The following ADGRL2 variants were observed in gnomAD, a reference collection of about 807,000 sequenced individuals.
ADGRL2 encodes the protein calcium-independent alpha-latrotoxin receptor 2.
A neutral mutation model predicts 157.4 loss-of-function variants in ADGRL2; 44 were observed. The observed-to-expected ratio is 0.28, with a 90% confidence interval of 0.22 to 0.36. The LOEUF (loss-of-function observed/expected upper bound fraction) is 0.36. Among genes scored for constraint, ADGRL2 ranks in the 10% least tolerant of loss-of-function variants. The probability of loss-of-function intolerance (pLI) is 1.00; values close to 1 mark genes in which losing one functional copy is unlikely to be tolerated. For synonymous variants in ADGRL2, 585 were observed against 624.7 expected, an observed-to-expected ratio of 0.94 and a Z score of 0.95; for missense variants, 1,510 against 1,768.9, an observed-to-expected ratio of 0.85 and a Z score of 2.63.
intron 2 of ADGRL2, among the ~76,000 whole-genome samples, chr1:81,889,199 T>C (rs980689962): frequency 1.3e-5 from 2 of 152,256 alleles, no homozygotes; most frequent in African/African-American, 2.4e-5. Flanking sequence ...ATAGAAATGA[T>C]TAAGCTTAGT....
At chr1:81,406,004 T>A (rs759712052) in intron 1 of ADGRL2, among the ~76,000 whole-genome samples, 8 of 152,220 alleles carry the variant, frequency 5.3e-5, no homozygotes, top group Non-Finnish European at 1.0e-4. Context: ...AGATTTCCCA[T>A]CTTTACTGTA....
chr1:81,925,081 C>T (rs1218798128), intron 3 of ADGRL2, among the ~76,000 whole-genome samples: 1 of 152,084 alleles, frequency 6.6e-6, no homozygotes, highest in East Asian at 1.9e-4. Flanking sequence ...AAAGTGAATT[C>T]CTTCTATGTG....
At chr1:81,987,465 T>C in intron 22 of ADGRL2, 2 of 766,554 alleles carry the variant, frequency 2.6e-6, no homozygotes, top group South Asian at 2.7e-5. Flanking sequence ...ACATTCAGCC[T>C]ATCAATATAT....
At chr1:81,471,252 A>G (rs1301260004) in intron 2 of ADGRL2, among the ~76,000 whole-genome samples, 1 of 152,192 alleles carries the variant, frequency 6.6e-6, no homozygotes, top group Non-Finnish European at 1.5e-5. Context: ...TCAGACCACC[A>G]CAAATCCATC....
chr1:81,624,718 A>G (rs1379704062), intron 3 of ADGRL2, among the ~76,000 whole-genome samples: 1 of 152,196 alleles, frequency 6.6e-6, no homozygotes, highest in Non-Finnish European at 1.5e-5. Flanking sequence ...CCATAAAGAA[A>G]ATAGGCATAT....
chr1:81,816,882 G>A (rs932039490), intron 1 of ADGRL2, among the ~76,000 whole-genome samples: 2 of 151,380 alleles, frequency 1.3e-5, no homozygotes, highest in Admixed American at 1.3e-4. Context: ...GTATTGCCAA[G>A]CACTTATTAA....
intron 1 of ADGRL2, among the ~76,000 whole-genome samples, chr1:81,819,112 C>G (rs1482926654): frequency 1.3e-5 from 2 of 152,202 alleles, no homozygotes; most frequent in South Asian, 2.1e-4. Context: ...TGATAGCATT[C>G]AAGGTGGTGT....
At chr1:81,674,049 C>G (rs1210707254) in intron 3 of ADGRL2, among the ~76,000 whole-genome samples, 1 of 152,106 alleles carries the variant, frequency 6.6e-6, no homozygotes, top group African/African-American at 2.4e-5. Context: ...CAAAATTTAA[C>G]ACTTGAATGC....
At chr1:81,750,562 C>CA (rs1392228037) in intron 1 of ADGRL2, among the ~76,000 whole-genome samples, 16 of 151,964 alleles carry the variant, frequency 1.1e-4, no homozygotes, top group Admixed American at 9.8e-4. Flanking sequence ...ACTAAAAATA[C>CA]AAAAAATTAG....
chr1:81,369,786 T>C (rs775164807), intron 1 of ADGRL2, among the ~76,000 whole-genome samples: 1 of 152,336 alleles, frequency 6.6e-6, no homozygotes, highest in Middle Eastern at 3.4e-3. Flanking sequence ...ATTTGAGCAT[T>C]AATTTGCATG....
chr1:81,875,410 A>T (rs1214070886), intron 2 of ADGRL2, among the ~76,000 whole-genome samples: 1 of 152,222 alleles, frequency 6.6e-6, no homozygotes, highest in Non-Finnish European at 1.5e-5. Context: ...AGAATTTAGG[A>T]AGCAAAATTT....
At chr1:81,862,362 A>G (rs2150808271) in intron 2 of ADGRL2, among the ~76,000 whole-genome samples, 1 of 152,330 alleles carries the variant, frequency 6.6e-6, no homozygotes, top group African/African-American at 2.4e-5. Context: ...TTTAGGGCAT[A>G]GCTCTTGCTA....
intron 1 of ADGRL2, among the ~76,000 whole-genome samples, chr1:81,351,574 A>C (rs1477795778): frequency 6.7e-6 from 1 of 150,146 alleles, no homozygotes; most frequent in Non-Finnish European, 1.5e-5. Context: ...GCAAATGCAC[A>C]AAGAAAAAAA....
At chr1:81,727,624 G>C (rs1487505551) in intron 1 of ADGRL2, among the ~76,000 whole-genome samples, 1 of 151,918 alleles carries the variant, frequency 6.6e-6, no homozygotes, top group African/African-American at 2.4e-5. Flanking sequence ...GTAGAGACAG[G>C]GTTTCACCAG....
intron 1 of ADGRL2, among the ~76,000 whole-genome samples, chr1:81,421,232 T>C (rs1039032494): frequency 2.0e-5 from 3 of 152,228 alleles, no homozygotes; most frequent in African/African-American, 4.8e-5. Context: ...CCTAATACCT[T>C]AGGTTTATTG....
intron 1 of ADGRL2, among the ~76,000 whole-genome samples, chr1:81,374,846 T>A (rs545829334): frequency 3.7e-4 from 57 of 152,330 alleles, no homozygotes; most frequent in Admixed American, 8.5e-4. Flanking sequence ...TAGCTGGTAC[T>A]CATTTCATTG....
chr1:81,456,414 T>TA (rs2077809056), intron 2 of ADGRL2, among the ~76,000 whole-genome samples: 1 of 152,034 alleles, frequency 6.6e-6, no homozygotes, highest in East Asian at 1.9e-4. Flanking sequence ...TTATTATTAT[T>TA]TTTTGTAGAG....
At chr1:81,598,511 G>A (rs930163630) in intron 3 of ADGRL2, among the ~76,000 whole-genome samples, 29 of 152,098 alleles carry the variant, frequency 1.9e-4, no homozygotes, top group African/African-American at 6.5e-4. Flanking sequence ...ATCAATATAT[G>A]GACCTTTACA....
chr1:81,939,825 CT>C (rs569523638), intron 4 of ADGRL2, among the ~76,000 whole-genome samples: 150 of 151,308 alleles, frequency 9.9e-4, no homozygotes, highest in Non-Finnish European at 1.9e-3. Flanking sequence ...GATGTCTGTC[CT>C]TTTGATTTTC....
Sources: gnomAD v4.1 joint callset for allele counts (sites outside exome capture counted in the v4.1 genomes callset) on GRCh38, gnomAD v4.1.1 for gene constraint, MANE v1.5 for transcripts, NCBI Gene and HGNC (gene_info 2026-07-23, HGNC 2026-07-21) for gene names.